Variants in PITPNM2 observed in about 807,000 individuals in gnomAD.
The protein encoded by PITPNM2 is phosphatidylinositol transfer protein membrane associated 2, also known as membrane-associated phosphatidylinositol transfer protein 2.
Under a neutral mutation model 132.2 loss-of-function variants are expected in PITPNM2, and 35 were observed. That is an observed-to-expected ratio of 0.26 (90% confidence interval 0.20 to 0.35). The LOEUF (loss-of-function observed/expected upper bound fraction) is 0.35, where lower values mean the gene tolerates loss of function less well. PITPNM2 is among the 10% of genes least tolerant of loss of function. PITPNM2 has a pLI of 1.00. For missense variants in PITPNM2, 1,332 were observed against 1,912.0 expected (o/e 0.70, Z 5.66); for synonymous variants, 738 against 799.2 (o/e 0.92, Z 1.29).
chr12:122,988,759 C>A lies in PITPNM2; in HGVS notation c.2845G>T (p.Glu949Ter). ...AGAAAGGAGACCACGTCTGTTGACT[C>A]CCAGTAGCTGGCGTGGAAGAGGTGA... The part of the protein sequence containing the change: ...LPHLFHASYW[E>*]STDVVSFLLR... Residue 949 changes from glutamate to a stop codon, truncating the protein, a stop_gained, in exon 19 of 26, where the codon GAG (glutamate) becomes TAG (stop). Coordinates refer to ENST00000320201, the MANE Select transcript of PITPNM2 (RefSeq NM_020845.3). LOFTEE classifies it high-confidence loss of function. 1 of 1,572,308 alleles carries A rather than the reference C, an allele frequency of 6.4e-7. No homozygotes were observed.
intron 1 of PITPNM2, among the ~76,000 whole-genome samples, chr12:123,114,997 G>C (rs1195489952): frequency 6.6e-6 from 1 of 152,194 alleles, no homozygotes; most frequent in Non-Finnish European, 1.5e-5. Flanking sequence ...GGGACTCAGG[G>C]AAAGTCAGGT....
rs1007290091 is a variant in PITPNM2, at chr12:123,004,638, G to A, written c.953-149C>T. 15 of 719,500 alleles carry A rather than the reference G, an allele frequency of 2.1e-5. No individual in the cohort carries two copies. Among genetic ancestry groups the A allele is most frequent in the Non-Finnish European group, 3.7e-5 (15 of 409,936 alleles). 44.6% of individuals were successfully genotyped at this position (719,500 alleles called of 1,614,324 possible). ...GAGCCAGGAAGGTTCCGAAGAGAAT[G>A]AAGTGTGTAAATGAGTGGGGAGCGG... On this transcript the variant is annotated intron_variant, in intron 7 of 25. Transcript: ENST00000320201. The surrounding 1 kb of genome is among the most constrained non-coding windows in gnomAD (Gnocchi z 4.9).
chr12:123,151,129 G>C (rs900361181), upstream of PITPNM2, among the ~76,000 whole-genome samples: 14 of 146,486 alleles, frequency 9.6e-5, no homozygotes, highest in African/African-American at 3.4e-4. Context: ...TCCCTCAGTG[G>C]CGGCGGCGCC....
At position 123,078,800 on chromosome 12, in the gene PITPNM2, C is replaced by T. The variant is rs1217382501; in HGVS notation, c.-96+31585G>A. 1.3e-5 allele frequency among the ~76,000 whole-genome samples: 2 copies of T among 152,198 alleles called. No homozygotes were observed. Among genetic ancestry groups the T allele is most frequent in the Non-Finnish European group, 2.9e-5 (2 of 68,020 alleles). On this transcript the variant is annotated intron_variant, in intron 2 of 25. Transcript: ENST00000320201. The surrounding 1 kb of genome is among the most constrained non-coding windows in gnomAD (Gnocchi z 7.3). ...CCCCACGCTGGGTGGCATCTCCCAT[C>T]ACGCCTGTGCCAGCCTCACTGCTGC...
Position 122,987,636 on chromosome 12 carries a change from C to T in PITPNM2, c.3138G>A (p.Gln1046=). The part of the protein sequence containing the change: ...GEKVDVHIMT[Q]PPSGEWLYLD... Reference sequence around the variant, plus strand: ...GGTAGAGCCACTCGCCTGAGGGCGGCTGGGTCATGATGTGCACATCCACCT... The same window carrying T: ...GGTAGAGCCACTCGCCTGAGGGCGGTTGGGTCATGATGTGCACATCCACCT... The change falls in exon 22 of 26, where the codon CAG becomes CAA. Residue 1046 remains glutamine, a synonymous_variant. Transcript: ENST00000320201. The T allele has an allele frequency of 6.2e-7, 1 of 1,613,478 alleles. No homozygotes were observed. The highest frequency in any genetic ancestry group is 2.2e-5 in the East Asian group (1 of 44,872).
At chr12:123,129,430 C>A (rs1240411139) in intron 1 of PITPNM2, among the ~76,000 whole-genome samples, 1 of 151,494 alleles carries the variant, frequency 6.6e-6, no homozygotes, top group Non-Finnish European at 1.5e-5. Context: ...ATTAGCTGGG[C>A]ATGGTGGCGG....
intron 18 of PITPNM2, among the ~76,000 whole-genome samples, 158 bp from the exon 19 acceptor site, chr12:122,989,030 G>A (rs2038065816): frequency 6.6e-6 from 1 of 152,186 alleles, no homozygotes; most frequent in South Asian, 2.1e-4. Context: ...TGAGGCAAGC[G>A]GGAGGGAGCG....
At chr12:123,119,472 C>T (rs1022160351) in intron 1 of PITPNM2, among the ~76,000 whole-genome samples, 2 of 151,800 alleles carry the variant, frequency 1.3e-5, no homozygotes, top group Non-Finnish European at 2.9e-5. Flanking sequence ...ATTCTCCTGC[C>T]TCAGCCTCCC....
At position 122,986,246 on chromosome 12, in the gene PITPNM2, G is replaced by A. The variant is rs1332077441; in HGVS notation, c.3831C>T (p.Ser1277=). Residue 1277 remains serine (S), a synonymous_variant, in exon 26 of 26, where the codon AGC becomes AGT. Coordinates refer to ENST00000320201, the MANE Select transcript of PITPNM2 (RefSeq NM_020845.3). ...TATRMALRKG[S]FGLPGQGDFL... ...AGTCGCCCTGGCCGGGCAGGCCGAA[G>A]CTGCCCTTGCGCAGCGCCATGCGGG... 1.6e-5 allele frequency: 25 copies of A among 1,578,396 alleles called. No homozygotes were observed. Among genetic ancestry groups the A allele is most frequent in the Non-Finnish European group, 2.1e-5 (24 of 1,167,030 alleles).
chr12:123,151,842 G>C (rs2137783146), upstream of PITPNM2, among the ~76,000 whole-genome samples: 2 of 152,346 alleles, frequency 1.3e-5, no homozygotes, highest in East Asian at 3.9e-4. Context: ...CTAAAACTTA[G>C]TGATGTGTGA....
chr12:123,005,519 G>A lies in PITPNM2; in HGVS notation c.673C>T (p.Arg225Trp). 1.2e-6 allele frequency: 2 copies of A among 1,613,766 alleles called. No individual in the cohort carries two copies. The highest frequency in any genetic ancestry group is 1.7e-6 in the Non-Finnish European group (2 of 1,179,996). Residue 225 changes from arginine (R) to tryptophan (W), a missense_variant, in exon 7 of 26, where the codon CGG becomes TGG. Physicochemically the swap from Arg to Trp is moderately radical, Grantham distance 101. Transcript: ENST00000320201. This position sits in a 1 kb window ranked among gnomAD's most constrained non-coding sequence, Gnocchi z 6.2. Reference protein sequence around the residue: ...GLRRVMVRAHRQAWCWQDEWY... With the variant: ...GLRRVMVRAHWQAWCWQDEWY... ...TCGTCCTGCCAGCACCAGGCCTGCC[G>A]GTGAGCCCGCACCATCACCCTCCGT...
chr12:123,109,817 C>G (rs2042799008), intron 2 of PITPNM2, among the ~76,000 whole-genome samples: 1 of 152,212 alleles, frequency 6.6e-6, no homozygotes, highest in Non-Finnish European at 1.5e-5. Flanking sequence ...AAGGCTGACC[C>G]AAGCAGTTTT....
chr12:123,130,211 G>A (rs933797306), intron 1 of PITPNM2, among the ~76,000 whole-genome samples: 1 of 152,164 alleles, frequency 6.6e-6, no homozygotes, highest in Non-Finnish European at 1.5e-5. Context: ...AGGGCTTCCA[G>A]GAGATGGCAC....
At chr12:123,080,213 ATTG>A (rs1394268814) in intron 2 of PITPNM2, among the ~76,000 whole-genome samples, 1 of 151,460 alleles carries the variant, frequency 6.6e-6, no homozygotes, top group Non-Finnish European at 1.5e-5. Context: ...CCTTTTGGCT[ATTG>A]TTGTCACATT....
intron 20 of PITPNM2, 100 bp downstream of exon 20, chr12:122,988,134 T>C: frequency 9.1e-7 from 1 of 1,095,804 alleles, no homozygotes; most frequent in Non-Finnish European, 1.4e-6. Flanking sequence ...GGAAGGTACA[T>C]AAGACTGCAG....
intron 1 of PITPNM2, among the ~76,000 whole-genome samples, chr12:123,121,067 T>C (rs1482950956): frequency 6.6e-6 from 1 of 152,228 alleles, no homozygotes; most frequent in Non-Finnish European, 1.5e-5. Flanking sequence ...CCCAGGCTCC[T>C]TCTCTGGGGA....
At chr12:123,127,669 G>A (rs1331204360) in intron 1 of PITPNM2, among the ~76,000 whole-genome samples, 1 of 150,900 alleles carries the variant, frequency 6.6e-6, no homozygotes, top group Non-Finnish European at 1.5e-5. Context: ...GAGTGCAGTG[G>A]CGTGATCTCG....
rs963305803 is a variant in PITPNM2 at position 122,993,471 on chromosome 12, T to C, written c.2234-802A>G. Among the ~76,000 whole-genome samples, 2 of 152,254 alleles carry C rather than the reference T, an allele frequency of 1.3e-5. No homozygotes were observed. Among genetic ancestry groups the C allele is most frequent in the Non-Finnish European group, 2.9e-5 (2 of 68,054 alleles). ...ATGCTATGCCTTCTGAACTTTGCCTTTTCCTCCCATTTAACACAAAAAATG... is the reference window on the plus strand; with the variant it reads ...ATGCTATGCCTTCTGAACTTTGCCTCTTCCTCCCATTTAACACAAAAAATG... On this transcript the variant is annotated intron_variant, in intron 15 of 25. Transcript: ENST00000320201. This position sits in a 1 kb window ranked among gnomAD's most constrained non-coding sequence, Gnocchi z 5.2.
intron 2 of PITPNM2, among the ~76,000 whole-genome samples, chr12:123,072,002 CG>C (rs1216062761): frequency 6.6e-6 from 1 of 152,182 alleles, no homozygotes; most frequent in Non-Finnish European, 1.5e-5. Context: ...TGAAGTCAGG[CG>C]GAAGGAGTGT....
Sources: gnomAD v4.1 joint callset for allele counts (sites outside exome capture counted in the v4.1 genomes callset) on GRCh38, gnomAD v4.1.1 for gene constraint, Gnocchi (gnomAD v3.1) non-coding constraint, MANE v1.5 for transcripts, NCBI Gene and HGNC (gene_info 2026-07-23, HGNC 2026-07-21) for gene names.